The following NDUFAF2 variants were observed in gnomAD, a reference collection of about 807,000 sequenced individuals.
NDUFAF2 encodes the protein NADH dehydrogenase [ubiquinone] 1 alpha subcomplex assembly factor 2.
Under a neutral mutation model 22.8 loss-of-function variants are expected in NDUFAF2, and 13 were observed. The observed-to-expected ratio is 0.57, with a 90% CI of 0.37 to 0.91. NDUFAF2 has a LOEUF of 0.91. Ranked by LOEUF, NDUFAF2 falls within the 40% of genes least tolerant of loss-of-function variation. The probability of loss-of-function intolerance (pLI) is 0.01; values close to 1 mark genes in which losing one functional copy is unlikely to be tolerated. For missense variants in NDUFAF2, 162 were observed against 195.2 expected (o/e 0.83, Z 1.01); for synonymous variants, 53 against 64.2 (o/e 0.83, Z 0.84).
chr5:60,966,351 T>C (rs1185326675), intron 1 of NDUFAF2, among the ~76,000 whole-genome samples: 1 of 152,174 alleles, frequency 6.6e-6, no homozygotes, highest in Non-Finnish European at 1.5e-5. Flanking sequence ...TATTTTGTTG[T>C]GCAGAAGCTT....
At chr5:61,042,359 A>G (rs973129085) in intron 1 of NDUFAF2, among the ~76,000 whole-genome samples, 6 of 152,204 alleles carry the variant, frequency 3.9e-5, no homozygotes, top group Non-Finnish European at 5.9e-5. Flanking sequence ...ATATTATTGT[A>G]TAAAAAGGAA....
chr5:61,023,689 T>G (rs939139541), intron 1 of NDUFAF2, among the ~76,000 whole-genome samples: 2 of 152,168 alleles, frequency 1.3e-5, no homozygotes, highest in African/African-American at 4.8e-5. Flanking sequence ...GTTTTTTATG[T>G]TTTAGTGGTG....
rs10042865 is a variant in NDUFAF2, at chr5:60,993,255, G to T, written c.127+47873G>T. ...AGCTGTCACTGGGGAACGTGGTGTC[G>T]CCTAGCAGCTTAGATACTCCAGGAA... On this transcript the variant is annotated intron_variant, in intron 1 of 3. Coordinates refer to ENST00000296597, the MANE Select transcript of NDUFAF2 (RefSeq NM_174889.5). Among the ~76,000 whole-genome samples the T allele has an allele frequency of 9.7e-3, 1,480 of 152,300 alleles. 22 individuals are homozygous for T. The highest frequency in any genetic ancestry group is 0.034 in the African/African-American group (1,433 of 41,552).
intron 3 of NDUFAF2, among the ~76,000 whole-genome samples, chr5:61,141,264 T>C (rs747149562): frequency 2.1e-4 from 32 of 152,080 alleles, no homozygotes; most frequent in East Asian, 9.6e-4. Context: ...ATAATAATAA[T>C]TGGGACACTA....
intron 3 of NDUFAF2, among the ~76,000 whole-genome samples, chr5:61,108,799 A>T (rs905068027): frequency 6.6e-6 from 1 of 152,108 alleles, no homozygotes; most frequent in Non-Finnish European, 1.5e-5. Flanking sequence ...TGGATTCTCT[A>T]ATCTATTCCA....
chr5:61,122,392 A>G (rs1419038516), intron 3 of NDUFAF2, among the ~76,000 whole-genome samples: 1 of 152,214 alleles, frequency 6.6e-6, no homozygotes, highest in Non-Finnish European at 1.5e-5. Flanking sequence ...ATAACAAAAT[A>G]TGATAGGTGC....
chr5:61,121,567 G>C (rs999862702), intron 3 of NDUFAF2, among the ~76,000 whole-genome samples: 5 of 152,130 alleles, frequency 3.3e-5, no homozygotes, highest in Admixed American at 3.3e-4. Context: ...ATTTCTTACT[G>C]TATAGGTTAA....
intron 1 of NDUFAF2, among the ~76,000 whole-genome samples, chr5:61,017,232 G>A (rs1381608397): frequency 1.3e-5 from 2 of 152,280 alleles, no homozygotes; most frequent in East Asian, 1.9e-4. Context: ...CTGATGTTAT[G>A]TTGACAGGGT....
chr5:61,145,297 TATAA>T (rs2111830161), intron 3 of NDUFAF2, among the ~76,000 whole-genome samples: 2 of 152,328 alleles, frequency 1.3e-5, no homozygotes, highest in Admixed American at 1.3e-4. Context: ...AATAGTGCAC[TATAA>T]ATAACCATTA....
chr5:61,044,209 T>G (rs1561549750), intron 1 of NDUFAF2, among the ~76,000 whole-genome samples: 1 of 152,126 alleles, frequency 6.6e-6, no homozygotes, highest in Non-Finnish European at 1.5e-5. Context: ...TTATTTTTTT[T>G]TTTACTGTTG....
chr5:61,075,227 C>T (rs1042881555), intron 2 of NDUFAF2, among the ~76,000 whole-genome samples: 2 of 152,058 alleles, frequency 1.3e-5, no homozygotes, highest in Non-Finnish European at 2.9e-5. Flanking sequence ...TAGCATGATA[C>T]CTTACATGTG....
At chr5:61,024,162 A>G (rs1036783936) in intron 1 of NDUFAF2, among the ~76,000 whole-genome samples, 1 of 152,056 alleles carries the variant, frequency 6.6e-6, no homozygotes, top group African/African-American at 2.4e-5. Context: ...TGTTTTTTTT[A>G]ACATTGATGT....
chr5:61,107,060 C>CACACACACACACAT (rs1752775100), intron 3 of NDUFAF2, among the ~76,000 whole-genome samples: 1 of 148,596 alleles, frequency 6.7e-6, no homozygotes, highest in Non-Finnish European at 1.5e-5. Context: ...CACACACACA[C>CACACACACACACAT]ACACACACAC....
rs1751903562 is a variant in NDUFAF2, at chr5:61,043,097, C to T, written c.128-30028C>T. Among the ~76,000 whole-genome samples the T allele has an allele frequency of 3.3e-5, 5 of 152,116 alleles. No homozygotes were observed. The South Asian group carries it at 1.0e-3, about 32-fold the overall frequency. ...TAGCCAGGCATGGTGGCGCATGCCT[C>T]TAATCACAGGTACCCAGGAGGCTGA... is the stretch of plus-strand genomic sequence containing the variant. On this transcript the variant is annotated intron_variant, in intron 1 of 3. Transcript: ENST00000296597.
chr5:61,035,567 TA>T lies in NDUFAF2; in HGVS notation c.128-37557del, dbSNP rs372024494. Among the ~76,000 whole-genome samples the T allele has an allele frequency of 1.4e-4, 21 of 151,846 alleles. No individual in the cohort carries two copies. In the South Asian group the frequency reaches 1.9e-3, roughly 14 times the overall value. The stretch of plus-strand genomic sequence containing the variant: ...AAGCTTCCGGAAACACCATTTTTTA[TA>T]CCTTGTTCTTTAAACCACAGAGCAG... On this transcript the variant is annotated intron_variant, in intron 1 of 3. Coordinates refer to ENST00000296597, the MANE Select transcript of NDUFAF2 (RefSeq NM_174889.5).
intron 2 of NDUFAF2, among the ~76,000 whole-genome samples, chr5:61,079,626 A>G (rs1003277150): frequency 7.2e-5 from 11 of 152,202 alleles, no homozygotes; most frequent in African/African-American, 2.7e-4. Flanking sequence ...ATATTCTTGC[A>G]TTGTTTCTGA....
chr5:61,033,986 A>G (rs158698), intron 1 of NDUFAF2, among the ~76,000 whole-genome samples: 149,959 of 152,272 alleles, frequency 0.98, 73,851 homozygotes, highest in East Asian at 1. Context: ...CTGATCATCA[A>G]GGAGAAAATT....
chr5:61,118,836 T>G (rs1325406967), intron 3 of NDUFAF2, among the ~76,000 whole-genome samples: 1 of 152,136 alleles, frequency 6.6e-6, no homozygotes, highest in Non-Finnish European at 1.5e-5. Context: ...ATGAAAACAT[T>G]CATGAAAATG....
chr5:60,984,566 C>CA (rs1751041357), intron 1 of NDUFAF2, among the ~76,000 whole-genome samples: 14 of 152,072 alleles, frequency 9.2e-5, no homozygotes, highest in Admixed American at 9.2e-4. Flanking sequence ...TTTTGAGATA[C>CA]GTCCCATCAA....
Sources: allele counts gnomAD v4.1 joint callset (sites outside exome capture counted in the v4.1 genomes callset), GRCh38; gene constraint gnomAD v4.1.1; transcripts MANE v1.5; gene names NCBI Gene and HGNC (gene_info 2026-07-23, HGNC 2026-07-21).